The following METTL15 variants were observed in gnomAD, a reference collection of about 807,000 sequenced individuals.
METTL15 encodes the protein methyltransferase 15, mitochondrial 12S rRNA N4-cytidine.
METTL15 carries 34 observed loss-of-function variants against 38.3 expected under a neutral mutation model. The observed-to-expected ratio is 0.89, with a 90% CI of 0.68 to 1.18. The LOEUF is 1.18. METTL15 is among the 50% of genes most tolerant of loss of function. METTL15 has a pLI of 0.00. For synonymous variants in METTL15, 162 were observed against 170.9 expected (o/e 0.95, Z 0.41); for missense variants, 438 against 498.4 (o/e 0.88, Z 1.15).
intron 4 of METTL15, among the ~76,000 whole-genome samples, chr11:28,287,079 G>GCA (rs143840875): frequency 9.2e-5 from 13 of 140,952 alleles, no homozygotes; most frequent in South Asian, 2.3e-4. Flanking sequence ...ATATGTACAT[G>GCA]CACACACACA....
chr11:28,254,846 G>A (rs1004569417), intron 4 of METTL15, among the ~76,000 whole-genome samples: 3 of 151,656 alleles, frequency 2.0e-5, no homozygotes, highest in African/African-American at 7.3e-5. Flanking sequence ...TGTCTGTTTA[G>A]GCTGTTTTGG....
At chr11:28,147,312 G>C (rs1290520130) in intron 3 of METTL15, among the ~76,000 whole-genome samples, 1 of 151,786 alleles carries the variant, frequency 6.6e-6, no homozygotes, top group Non-Finnish European at 1.5e-5. Context: ...CAGGCGTTAT[G>C]CTAAAGGAAA....
chr11:28,250,575 A>C (rs1854700281), intron 4 of METTL15, among the ~76,000 whole-genome samples: 1 of 151,826 alleles, frequency 6.6e-6, no homozygotes, highest in African/African-American at 2.4e-5. Flanking sequence ...TTAAAAAAAA[A>C]AATGATGTTT....
intron 6 of METTL15, among the ~76,000 whole-genome samples, chr11:28,316,740 G>A (rs138738576): frequency 8.5e-5 from 13 of 152,254 alleles, no homozygotes; most frequent in Non-Finnish European, 1.2e-4. Context: ...GGTCTTTCCC[G>A]TTTGTTCTCC....
chr11:28,472,526 G>A (rs1851311771), intron 6 of METTL15, among the ~76,000 whole-genome samples: 1 of 152,142 alleles, frequency 6.6e-6, no homozygotes, highest in Non-Finnish European at 1.5e-5. Context: ...ACTCCCAGAG[G>A]CATCAGAGGC....
chr11:28,219,719 C>T (rs1314594173), intron 4 of METTL15, among the ~76,000 whole-genome samples: 1 of 152,084 alleles, frequency 6.6e-6, no homozygotes, highest in Admixed American at 6.6e-5. Flanking sequence ...TTTCCCTCTA[C>T]ACACTGCTTT....
At chr11:28,305,068 A>C (rs891412033) in intron 6 of METTL15, among the ~76,000 whole-genome samples, 2 of 152,204 alleles carry the variant, frequency 1.3e-5, no homozygotes, top group Non-Finnish European at 2.9e-5. Context: ...AATCTATTAC[A>C]CACTGTATGT....
At chr11:28,383,275 T>C (rs1209681264) in intron 5 of METTL15, among the ~76,000 whole-genome samples, 1 of 152,152 alleles carries the variant, frequency 6.6e-6, no homozygotes, top group African/African-American at 2.4e-5. Flanking sequence ...GCTCCATCCA[T>C]GTTGCTGCAA....
At chr11:28,210,667 G>A (rs776163790) in intron 3 of METTL15, among the ~76,000 whole-genome samples, 5 of 151,850 alleles carry the variant, frequency 3.3e-5, no homozygotes, top group African/African-American at 4.8e-5. Flanking sequence ...AAGAGAAATT[G>A]AGATAAAATG....
chr11:28,328,786 G>A (rs539052467), intron 6 of METTL15, among the ~76,000 whole-genome samples: 14 of 152,100 alleles, frequency 9.2e-5, no homozygotes, highest in African/African-American at 3.4e-4. Flanking sequence ...CTGTTTTGAT[G>A]TGCATGTTTT....
At chr11:28,185,946 T>C (rs1206612276) in intron 3 of METTL15, among the ~76,000 whole-genome samples, 1 of 150,260 alleles carries the variant, frequency 6.7e-6, no homozygotes, top group East Asian at 1.9e-4. Context: ...TTAAAATATA[T>C]GTGTGCATTC....
chr11:28,154,941 G>A (rs1358926374), intron 3 of METTL15, among the ~76,000 whole-genome samples: 3 of 152,080 alleles, frequency 2.0e-5, no homozygotes, highest in Admixed American at 1.3e-4. Context: ...ACAAAACTGG[G>A]CAAGTTTTAT....
intron 3 of METTL15, among the ~76,000 whole-genome samples, chr11:28,341,404 G>A (rs1451989744): frequency 2.6e-5 from 4 of 152,096 alleles, no homozygotes; most frequent in African/African-American, 9.7e-5. Flanking sequence ...TCTAGGTGGA[G>A]GGATTTAGTA....
At chr11:28,295,601 A>C (rs1020755767) in intron 5 of METTL15, among the ~76,000 whole-genome samples, 13 of 144,724 alleles carry the variant, frequency 9.0e-5, no homozygotes, top group Non-Finnish European at 1.7e-4. Flanking sequence ...ACTTCGTCTC[A>C]AAAAAAAAAA....
intron 3 of METTL15, among the ~76,000 whole-genome samples, chr11:28,177,150 A>G (rs373164580): frequency 7.9e-5 from 12 of 152,166 alleles, no homozygotes; most frequent in African/African-American, 2.6e-4. Flanking sequence ...AAACACTGAC[A>G]GTGTGTGAAA....
intron 3 of METTL15, among the ~76,000 whole-genome samples, chr11:28,210,597 G>C (rs1198110558): frequency 1.3e-5 from 2 of 151,488 alleles, no homozygotes; most frequent in African/African-American, 4.8e-5. Context: ...TTATTATTAG[G>C]GATGTTTATT....
At chr11:28,379,083 G>A (rs1289559802) in intron 5 of METTL15, among the ~76,000 whole-genome samples, 6 of 151,632 alleles carry the variant, frequency 4.0e-5, no homozygotes, top group African/African-American at 1.5e-4. Context: ...TTTTGTTTCT[G>A]ATTTTATTTA....
intron 3 of METTL15, chr11:28,125,799 A>G (rs1449834263): frequency 1.3e-5 from 2 of 152,022 alleles, no homozygotes; most frequent in African/African-American, 4.8e-5. Flanking sequence ...CTAAAATCTT[A>G]TTTTTCTGAA....
At chr11:28,119,141 C>G (rs1473522224) in intron 3 of METTL15, among the ~76,000 whole-genome samples, 1 of 152,038 alleles carries the variant, frequency 6.6e-6, no homozygotes, top group Admixed American at 6.6e-5. Context: ...ACAGGTATCC[C>G]AATTATATAT....
Sources: gnomAD v4.1 joint callset for allele counts (sites outside exome capture counted in the v4.1 genomes callset) on GRCh38, gnomAD v4.1.1 for gene constraint, MANE v1.5 for transcripts, NCBI Gene and HGNC (gene_info 2026-07-23, HGNC 2026-07-21) for gene names.